The following COL25A1 variants were observed in gnomAD, a reference collection of about 807,000 sequenced individuals.
COL25A1 encodes collagen type XXV alpha 1 chain, also known as collagen alpha-1(XXV) chain.
COL25A1 carries 103 observed loss-of-function variants against 128.4 expected under a neutral mutation model. That is an observed-to-expected ratio of 0.80 (90% CI 0.68 to 0.94). The LOEUF (loss-of-function observed/expected upper bound fraction) is 0.94, where lower values mean the gene tolerates loss of function less well. COL25A1 is among the 40% of genes least tolerant of loss of function. The probability of loss-of-function intolerance (pLI) is 0.00; values close to 1 mark genes in which losing one functional copy is unlikely to be tolerated. For missense variants in COL25A1, 745 were observed against 840.0 expected (o/e 0.89, Z 1.40); for synonymous variants, 279 against 277.2 (o/e 1.01, Z -0.06).
chr4:109,007,131 T>C (rs913619817), intron 6 of COL25A1, among the ~76,000 whole-genome samples: 1 of 152,132 alleles, frequency 6.6e-6, no homozygotes, highest in South Asian at 2.1e-4. Flanking sequence ...AAAAAGTCAG[T>C]TTAAGGTCCA....
chr4:108,829,014 A>G (rs1732733375), intron 32 of COL25A1, among the ~76,000 whole-genome samples: 1 of 152,182 alleles, frequency 6.6e-6, no homozygotes, highest in Non-Finnish European at 1.5e-5. Flanking sequence ...AATAAATACG[A>G]TAAAAGTTTG....
At chr4:109,276,402 ACT>A (rs1722847369) in intron 3 of COL25A1, among the ~76,000 whole-genome samples, 1 of 140,788 alleles carries the variant, frequency 7.1e-6, no homozygotes, top group Non-Finnish European at 1.5e-5. Context: ...ACAGAGCAAG[ACT>A]CTGTCTCAAA....
Position 109,226,360 on chromosome 4 carries a change from C to T in COL25A1, c.367+74223G>A, listed in dbSNP as rs989761571. On this transcript the variant is annotated intron_variant, in intron 3 of 37. Coordinates refer to ENST00000399132, the MANE Select transcript of COL25A1 (RefSeq NM_198721.4). ...CATGTGACAAAACTGCACTTGTACC[C>T]TATTTTTCTATTTTCTAAAAAGAAA... 1.1e-4 allele frequency among the ~76,000 whole-genome samples: 17 copies of T among 152,104 alleles called. No homozygotes were observed. In the South Asian group the frequency reaches 3.1e-3, roughly 28 times the overall value.
At chr4:109,167,881 G>A (rs542090427) in intron 3 of COL25A1, among the ~76,000 whole-genome samples, 4 of 152,232 alleles carry the variant, frequency 2.6e-5, no homozygotes, top group African/African-American at 7.2e-5. Flanking sequence ...AGATAGATGA[G>A]GGGAGGTGGG....
At chr4:109,082,645 C>CTTTTTA (rs1360133843) in intron 3 of COL25A1, among the ~76,000 whole-genome samples, 8 of 152,062 alleles carry the variant, frequency 5.3e-5, no homozygotes, top group Non-Finnish European at 1.2e-4. Context: ...ATTGGTTTGT[C>CTTTTTA]TTTTTATTTC....
At chr4:108,832,244 T>C (rs1011344160) in intron 32 of COL25A1, 136 bp downstream of exon 32, 11 of 635,094 alleles carry the variant, frequency 1.7e-5, no homozygotes, top group Non-Finnish European at 3.0e-5. Flanking sequence ...TGAATAGAAC[T>C]TAGGATGGTA....
At chr4:109,086,593 C>A (rs1340366576) in intron 3 of COL25A1, among the ~76,000 whole-genome samples, 1 of 152,158 alleles carries the variant, frequency 6.6e-6, no homozygotes, top group Non-Finnish European at 1.5e-5. Context: ...CTCTAATCAG[C>A]CTTCCTGATT....
At chr4:108,852,852 A>G (rs373975304) in intron 25 of COL25A1, 50 bp downstream of exon 25, 59 of 1,535,372 alleles carry the variant, frequency 3.8e-5, no homozygotes, top group Non-Finnish European at 5.0e-5. Flanking sequence ...GGCATGCATC[A>G]ACACCAAATA....
At chr4:108,831,538 G>T (rs562990153) in intron 32 of COL25A1, among the ~76,000 whole-genome samples, 1 of 152,100 alleles carries the variant, frequency 6.6e-6, no homozygotes, top group Non-Finnish European at 1.5e-5. Context: ...ACATTTTGAA[G>T]ACTTCACTAT....
chr4:108,844,670 G>A, intron 29 of COL25A1, 101 bp from the exon 30 acceptor site: 9 of 1,466,398 alleles, frequency 6.1e-6, no homozygotes, highest in Non-Finnish European at 7.3e-6. Flanking sequence ...ATTAGTAGTT[G>A]GAGAGGAAGA....
At chr4:109,078,165 A>AAT (rs1394660731) in intron 3 of COL25A1, among the ~76,000 whole-genome samples, 1 of 152,170 alleles carries the variant, frequency 6.6e-6, no homozygotes, top group Non-Finnish European at 1.5e-5. Context: ...TAACTTCCTA[A>AAT]ACTCAAAACA....
chr4:109,017,143 C>A (rs1441028112), intron 5 of COL25A1, among the ~76,000 whole-genome samples: 6 of 152,224 alleles, frequency 3.9e-5, no homozygotes, highest in African/African-American at 1.4e-4. Flanking sequence ...ACAGCAGAAG[C>A]CACTTGCAGT....
At chr4:108,983,762 C>T (rs537829532) in intron 6 of COL25A1, among the ~76,000 whole-genome samples, 5 of 151,078 alleles carry the variant, frequency 3.3e-5, no homozygotes, top group South Asian at 2.1e-4. Flanking sequence ...TGGAGTTGCT[C>T]GTTCCTCCCT....
intron 3 of COL25A1, among the ~76,000 whole-genome samples, chr4:109,279,888 A>G (rs535322267): frequency 6.6e-6 from 1 of 152,254 alleles, no homozygotes; most frequent in East Asian, 1.9e-4. Flanking sequence ...AGTTCTGAAA[A>G]TTCTACATTT....
chr4:108,958,776 G>C (rs1026178120), intron 8 of COL25A1, among the ~76,000 whole-genome samples: 1 of 151,796 alleles, frequency 6.6e-6, no homozygotes, highest in South Asian at 2.1e-4. Flanking sequence ...AAAAAATCTT[G>C]AAGATAACAT....
intron 12 of COL25A1, 136 bp from the exon 13 acceptor site, chr4:108,918,352 T>C (rs1295735988): frequency 5.7e-6 from 3 of 522,580 alleles, no homozygotes; most frequent in Non-Finnish European, 3.3e-6. Flanking sequence ...ATCCACTGTG[T>C]TCAAATATAT....
At chr4:108,892,844 G>T (rs1741673908) in intron 16 of COL25A1, among the ~76,000 whole-genome samples, 1 of 152,270 alleles carries the variant, frequency 6.6e-6, no homozygotes, top group Middle Eastern at 3.4e-3. Flanking sequence ...CCAGGGAAAT[G>T]ACTTATAAAT....
At chr4:109,032,115 C>T (rs1426724244) in intron 5 of COL25A1, among the ~76,000 whole-genome samples, 3 of 152,070 alleles carry the variant, frequency 2.0e-5, no homozygotes, top group Admixed American at 2.0e-4. Flanking sequence ...ATTATCCACC[C>T]CATTTTACAG....
Position 109,048,186 on chromosome 4 carries a change from A to G in COL25A1, c.413-11T>C. 1 of 1,610,858 alleles carries G rather than the reference A, an allele frequency of 6.2e-7. No homozygotes were observed. Among genetic ancestry groups the G allele is most frequent in the Non-Finnish European group, 8.5e-7 (1 of 1,177,320 alleles). On this transcript the variant is annotated splice_polypyrimidine_tract_variant and intron_variant, in intron 4 of 37. Transcript: ENST00000399132. ...TACTTACAGGAGGACCTATGGGGGG[A>G]GCAGGTGGAGAGAGAAGAGAGAGAG... is the stretch of plus-strand genomic sequence containing the variant.
Sources: allele counts gnomAD v4.1 joint callset (sites outside exome capture counted in the v4.1 genomes callset), GRCh38; gene constraint gnomAD v4.1.1; transcripts MANE v1.5; gene names NCBI Gene and HGNC (gene_info 2026-07-23, HGNC 2026-07-21).